IL4I1: variants seen among roughly 807,000 people sequenced by gnomAD.
IL4I1 encodes the protein L-amino-acid oxidase.
In IL4I1, 24 loss-of-function variants were observed where a neutral mutation model predicts 29.7. The observed-to-expected ratio is 0.81, with a 90% confidence interval of 0.59 to 1.14. The LOEUF is 1.14. Among genes scored for constraint, IL4I1 ranks in the 50% most tolerant of loss-of-function variants. IL4I1 has a pLI of 0.00. For missense variants in IL4I1, 686 were observed against 785.6 expected (o/e 0.87, Z 1.52); for synonymous variants, 371 against 352.5 (o/e 1.05, Z -0.59).
intron 3 of IL4I1, among the ~76,000 whole-genome samples, chr19:49,895,415 G>C (rs546677215): frequency 6.6e-6 from 1 of 152,336 alleles, no homozygotes; most frequent in South Asian, 2.1e-4. Context: ...AGCTCGGGGA[G>C]TTCGGAGATG....
In IL4I1 at chr19:49,902,171, C is replaced by T. The variant is rs10425173; in HGVS notation, c.-104-350G>A. On this transcript the variant is annotated intron_variant, in intron 3 of 9. Transcript: ENST00000341114. The stretch of plus-strand genomic sequence containing the variant: ...CAGGCCACCATGCCCAGCTAATTTT[C>T]GTATTTTTAGTAGAGACAGGGTTTC... Among the ~76,000 whole-genome samples, 596 of 152,068 alleles carry T rather than the reference C, an allele frequency of 3.9e-3. 6 individuals carry two copies. The highest frequency in any genetic ancestry group is 0.013 in the African/African-American group (542 of 41,478).
chr19:49,928,295 A>G (rs1032652412), intron 1 of IL4I1: 3 of 152,266 alleles, frequency 2.0e-5, no homozygotes, highest in African/African-American at 4.8e-5. Context: ...AGGCGGGCGG[A>G]TCACGAGGCC....
chr19:49,895,953 C>A lies in IL4I1; in HGVS notation c.114G>T (p.Gln38His). The change falls in exon 3 of 8, where the codon CAG (glutamine) becomes CAT (histidine). Residue 38 changes from glutamine to histidine, a missense_variant. Coordinates refer to ENST00000391826, the MANE Select transcript of IL4I1 (RefSeq NM_152899.2). ...RSQDPFEKCM[Q>H]DPDYEQLLKV... is the part of the protein sequence containing the mutation. The stretch of plus-strand genomic sequence containing the variant: ...TGAGCAGCTGCTCATAGTCAGGATC[C>A]TGCATGCATTTCTCGAAGGGGTCTT... 1 of 1,614,194 alleles carries A rather than the reference C, an allele frequency of 6.2e-7. No homozygotes were observed. The highest frequency in any genetic ancestry group is 8.5e-7 in the Non-Finnish European group (1 of 1,180,032).
At chr19:49,909,612 T>G (rs763089401) in intron 2 of IL4I1, 1 of 1,612,934 alleles carries the variant, frequency 6.2e-7, no homozygotes, top group South Asian at 1.1e-5. Context: ...GTGGCCGGAG[T>G]CTGGGTGGCA....
At chr19:49,911,853 G>A (rs938657727) in intron 2 of IL4I1, among the ~76,000 whole-genome samples, 2 of 152,212 alleles carry the variant, frequency 1.3e-5, no homozygotes, top group Non-Finnish European at 2.9e-5. Context: ...AAGAGGCCAC[G>A]GCAAGTGCCT....
chr19:49,899,968 G>A (rs1452460616), upstream of IL4I1, among the ~76,000 whole-genome samples: 1 of 152,082 alleles, frequency 6.6e-6, no homozygotes, highest in Non-Finnish European at 1.5e-5. Flanking sequence ...TCGAGTAGCT[G>A]GGACCACAGG....
chr19:49,889,821 T>C lies in IL4I1; in HGVS notation c.1553A>G (p.Glu518Gly), dbSNP rs2075104929. The change falls in exon 8 of 8, where the codon GAG becomes GGG. Residue 518 changes from glutamate to glycine, a missense_variant. Physicochemically the swap from Glu to Gly is moderately conservative, Grantham distance 98. Coordinates refer to ENST00000391826, the MANE Select transcript of IL4I1 (RefSeq NM_152899.2). ...KGPASDTASP[E>G]GHASDMEGQG... ...CCCCTCCATGTCAGATGCGTGCCCC[T>C]CGGGGCTGGCCGTGTCCGATGCAGG... The C allele has an allele frequency of 6.4e-7, 1 of 1,559,348 alleles. No homozygotes were observed. Among genetic ancestry groups the C allele is most frequent in the South Asian group, 1.2e-5 (1 of 83,688 alleles).
rs1250123580 is a variant in IL4I1 at position 49,890,207 on chromosome 19, G to A, written c.1167C>T (p.Arg389=). ...ACGAGGCCAGCAGCAGCGCGCCCTC[G>A]CGCGGCGGCGGGTAGAAAATCATGC... The part of the protein sequence containing the change: ...PSRMIFYPPP[R]EGALLLASYT... The change falls in exon 8 of 8, where the codon CGC becomes CGT. Residue 389 remains arginine (R), a synonymous_variant. Coordinates refer to ENST00000391826, the MANE Select transcript of IL4I1 (RefSeq NM_152899.2). The A allele has an allele frequency of 6.5e-7, 1 of 1,547,330 alleles. No homozygotes were observed. The highest frequency in any genetic ancestry group is 8.7e-7 in the Non-Finnish European group (1 of 1,144,696).
Position 49,890,405 on chromosome 19 carries a change from G to A in IL4I1, c.969C>T (p.Ser323=). ...AGGTGATGCGCTTCACCGCCGGTCC[G>A]CTCGCCGTCAGCAGCACCACGTCGG... The part of the protein sequence containing the change: ...LKADVVLLTA[S]GPAVKRITFS... The change falls in exon 8 of 8, where the codon AGC becomes AGT. Residue 323 remains serine, a synonymous_variant. Transcript: ENST00000391826. The A allele has an allele frequency of 6.2e-7, 1 of 1,607,738 alleles. No individual in the cohort carries two copies. Among genetic ancestry groups the A allele is most frequent in the East Asian group, 2.2e-5 (1 of 44,800 alleles).
chr19:49,924,574 C>G (rs116618585), intron 2 of IL4I1, among the ~76,000 whole-genome samples: 1,895 of 152,330 alleles, frequency 0.012, 44 homozygotes, highest in African/African-American at 0.043. Flanking sequence ...TTGCTTCAAG[C>G]CCCAGCTCAG....
upstream of IL4I1, among the ~76,000 whole-genome samples, chr19:49,898,217 A>T (rs900608617): frequency 6.6e-6 from 1 of 152,214 alleles, no homozygotes; most frequent in African/African-American, 2.4e-5. Flanking sequence ...ACTACTCAGG[A>T]GGCTGGGACA....
At chr19:49,901,800 T>C (rs1216995560), upstream of IL4I1, 2 of 1,039,254 alleles carry the variant, frequency 1.9e-6, no homozygotes, top group Admixed American at 2.7e-5. Flanking sequence ...TTCCTGATAT[T>C]GGGGTCAGAG....
chr19:49,908,344 G>T (rs1210038077), intron 2 of IL4I1: 6 of 1,614,090 alleles, frequency 3.7e-6, no homozygotes, highest in Non-Finnish European at 5.1e-6. Flanking sequence ...AGTTCTGGTC[G>T]ATCCACTGCA....
rs372176952 is a variant in IL4I1, at chr19:49,909,013, G to A, written c.-227-4692C>T. 3.9e-5 allele frequency: 63 copies of A among 1,612,520 alleles called. No homozygotes were observed. The highest frequency in any genetic ancestry group is 1.7e-4 in the Middle Eastern group (1 of 5,886). ...CGGTGGATGTTGTTGTGGAGGTGCC[G>A]GAAGCTGCTCCAGGTGCCTTTAAGC... is the stretch of plus-strand genomic sequence containing the variant. On this transcript the variant is annotated intron_variant, in intron 2 of 9. Coordinates refer to the IL4I1 transcript ENST00000341114.
intron 2 of IL4I1, chr19:49,909,180 G>C (rs1395017652): frequency 5.6e-6 from 9 of 1,613,612 alleles, no homozygotes; most frequent in Non-Finnish European, 7.6e-6. Context: ...GTGGCTGTGG[G>C]TGTGGGAGCA....
rs772058191 is a variant in IL4I1 at position 49,890,090 on chromosome 19, C to A, written c.1284G>T (p.Gly428=). The A allele has an allele frequency of 6.5e-7, 1 of 1,546,612 alleles. No homozygotes were observed. The highest frequency in any genetic ancestry group is 8.7e-7 in the Non-Finnish European group (1 of 1,146,338). The change falls in exon 8 of 8, where the codon GGG becomes GGT. Residue 428 remains glycine, a synonymous_variant. Coordinates refer to ENST00000391826, the MANE Select transcript of IL4I1 (RefSeq NM_152899.2). ...LALDDVAALH[G]PVVRQLWDGT... is the part of the protein sequence containing the mutation. ...CGTCCCAGAGCTGGCGCACGACAGG[C>A]CCGTGCAATGCCGCCACGTCGTCGA...
intron 4 of IL4I1, 44 bp from the exon 5 acceptor site, chr19:49,894,513 G>T: frequency 1.9e-6 from 3 of 1,567,744 alleles, no homozygotes; most frequent in Non-Finnish European, 2.6e-6. Flanking sequence ...TCCAGTGGGG[G>T]TGGCCTGGTC....
chr19:49,920,409 T>G (rs7246947), intron 2 of IL4I1, among the ~76,000 whole-genome samples: 49,981 of 152,046 alleles, frequency 0.33, 8,581 homozygotes, highest in East Asian at 0.41. Flanking sequence ...GTGATGAAAA[T>G]GTTCTAAAAT....
rs996597872 is a variant in IL4I1 at position 49,893,985 on chromosome 19, C to CAAA, written c.567+280_567+282dup. Among the ~76,000 whole-genome samples the CAAA allele has an allele frequency of 3.6e-3, 70 of 19,628 alleles. 5 individuals are homozygous for CAAA. Among genetic ancestry groups the CAAA allele is most frequent in the East Asian group, 0.014 (11 of 798 alleles). 12.9% of individuals were successfully genotyped at this position (19,628 alleles called of 152,430 possible). Reference sequence around the variant, plus strand: ...TGGGTGACAGAGTAAGACTCCATCTCAAAAAAAAAAAAAAAAAAAAAAAAA... The same window carrying CAAA: ...TGGGTGACAGAGTAAGACTCCATCTCAAAAAAAAAAAAAAAAAAAAAAAAAAAA... On this transcript the variant is annotated intron_variant, in intron 5 of 7. Transcript: ENST00000391826.
Sources: gnomAD v4.1 joint callset for allele counts (sites outside exome capture counted in the v4.1 genomes callset) on GRCh38, gnomAD v4.1.1 for gene constraint, MANE v1.5 for transcripts, NCBI Gene and HGNC (gene_info 2026-07-23, HGNC 2026-07-21) for gene names.